The following CDH23 variants were observed in gnomAD, a reference collection of about 807,000 sequenced individuals.
The protein encoded by CDH23 is cadherin related 23.
In CDH23, 189 loss-of-function variants were observed where a neutral mutation model predicts 317.1. The observed-to-expected ratio is 0.60, with a 90% CI of 0.53 to 0.67. The LOEUF (loss-of-function observed/expected upper bound fraction) is 0.67. Among genes scored for constraint, CDH23 ranks in the 30% least tolerant of loss-of-function variants. CDH23 has a pLI of 0.00. For missense variants in CDH23, 4,401 were observed against 4,592.4 expected (o/e 0.96, Z 1.20); for synonymous variants, 1,839 against 1,876.8 (o/e 0.98, Z 0.52).
intron 34 of CDH23, 116 bp from the exon 35 acceptor site, chr10:71,738,382 C>T: frequency 4.1e-6 from 5 of 1,226,322 alleles, no homozygotes; most frequent in Middle Eastern, 3.8e-4. Context: ...TGAGGGTTTG[C>T]TGATGTTCCA....
intron 8 of CDH23, among the ~76,000 whole-genome samples, chr10:71,571,512 G>T (rs1275983588): frequency 6.6e-6 from 1 of 152,126 alleles, no homozygotes; most frequent in Non-Finnish European, 1.5e-5. Flanking sequence ...CCTGTAGATC[G>T]GCTACCCATG....
chr10:71,732,695 G>A, intron 32 of CDH23: 2 of 1,305,258 alleles, frequency 1.5e-6, no homozygotes, highest in East Asian at 6.4e-5. Context: ...ATTTTCATAT[G>A]TAGGAGTAAG....
chr10:71,797,533 G>A (rs1052230388), intron 49 of CDH23, among the ~76,000 whole-genome samples: 1 of 152,242 alleles, frequency 6.6e-6, no homozygotes, highest in Non-Finnish European at 1.5e-5. Flanking sequence ...TGGTTAGACA[G>A]AGGCTTAGGT....
At chr10:71,810,975 G>A (rs1179798710) in intron 62 of CDH23, among the ~76,000 whole-genome samples, 1 of 151,706 alleles carries the variant, frequency 6.6e-6, no homozygotes, top group Non-Finnish European at 1.5e-5. Context: ...AGCTACTCAG[G>A]AGGCTGAGGC....
chr10:71,781,808 T>C (rs1381501663), intron 41 of CDH23, among the ~76,000 whole-genome samples: 1 of 151,932 alleles, frequency 6.6e-6, no homozygotes, highest in African/African-American at 2.4e-5. Context: ...AAAGATAACT[T>C]TGGGGTCTCT....
At chr10:71,616,844 A>G (rs1178953399) in intron 10 of CDH23, among the ~76,000 whole-genome samples, 2 of 152,186 alleles carry the variant, frequency 1.3e-5, no homozygotes, top group Non-Finnish European at 2.9e-5. Context: ...CCTCAGTTTC[A>G]CAATCTGCCA....
At chr10:71,769,569 A>G (rs922818587) in intron 38 of CDH23, among the ~76,000 whole-genome samples, 1 of 152,238 alleles carries the variant, frequency 6.6e-6, no homozygotes, top group African/African-American at 2.4e-5. Context: ...CTAGGGAAAC[A>G]CCATCATGGA....
chr10:71,416,432 GT>G (rs1848536675), intron 1 of CDH23, among the ~76,000 whole-genome samples: 1 of 152,186 alleles, frequency 6.6e-6, no homozygotes, highest in Non-Finnish European at 1.5e-5. Flanking sequence ...TACCTTTAGT[GT>G]TAGTGGTTGT....
At chr10:71,737,796 C>T (rs956856063) in intron 34 of CDH23, 3 of 466,796 alleles carry the variant, frequency 6.4e-6, no homozygotes, top group Admixed American at 2.3e-5. Flanking sequence ...CAGGCCTTCA[C>T]TCTCCTGCCT....
At chr10:71,559,824 G>A (rs1462106384) in intron 6 of CDH23, among the ~76,000 whole-genome samples, 2 of 152,256 alleles carry the variant, frequency 1.3e-5, no homozygotes, top group Non-Finnish European at 2.9e-5. Flanking sequence ...AATACTGGTA[G>A]AAAGAAGAGA....
intron 22 of CDH23, among the ~76,000 whole-genome samples, 160 bp from the exon 23 acceptor site, chr10:71,701,862 C>T (rs1017331520): frequency 6.6e-6 from 1 of 152,288 alleles, no homozygotes; most frequent in African/African-American, 2.4e-5. Flanking sequence ...CCAGCCCTCT[C>T]GGACCCCCCT....
intron 66 of CDH23, 37 bp from the exon 67 acceptor site, chr10:71,812,443 T>TACCCC: frequency 2.6e-6 from 4 of 1,538,030 alleles, no homozygotes; most frequent in East Asian, 2.3e-5. Flanking sequence ...ACTCGAGCCT[T>TACCCC]CCCTCCCTCC....
chr10:71,807,515 G>A lies in CDH23; in HGVS notation c.8309-1G>A, dbSNP rs2132988609. On this transcript the variant is annotated splice_acceptor_variant, in intron 58 of 69. Coordinates refer to ENST00000224721, the MANE Select transcript of CDH23 (RefSeq NM_022124.6). LOFTEE classifies it high-confidence loss of function. ...ACCCTGTGCCATGATCCCACCCTCA[G>A]CCGGCAACGAAGAGAAGAACTTCCA... is the stretch of plus-strand genomic sequence containing the variant. 2 of 1,613,700 alleles carry A rather than the reference G, an allele frequency of 1.2e-6. No individual in the cohort carries two copies. Among genetic ancestry groups the A allele is most frequent in the East Asian group, 2.2e-5 (1 of 44,880 alleles).
chr10:71,707,363 G>T, intron 26 of CDH23: 1 of 1,381,236 alleles, frequency 7.2e-7, no homozygotes, highest in South Asian at 1.8e-5. Context: ...GGAGCCCTGA[G>T]CCCCACTCCC....
At chr10:71,547,738 G>A (rs1303997744) in intron 6 of CDH23, among the ~76,000 whole-genome samples, 2 of 152,236 alleles carry the variant, frequency 1.3e-5, no homozygotes, top group African/African-American at 4.8e-5. Flanking sequence ...TGGGTGCAGA[G>A]GGAATGTATT....
chr10:71,406,421 C>T (rs1206361602), intron 1 of CDH23, among the ~76,000 whole-genome samples: 2 of 152,180 alleles, frequency 1.3e-5, no homozygotes, highest in Non-Finnish European at 1.5e-5. Flanking sequence ...TAAATGCAAA[C>T]TTTCCATGCT....
At chr10:71,570,654 A>AT in intron 7 of CDH23, 136 bp from the exon 8 acceptor site, 1 of 928,862 alleles carries the variant, frequency 1.1e-6, no homozygotes, top group Non-Finnish European at 1.6e-6. Context: ...GTGCAAGAGC[A>AT]TGGGTGTGTG....
intron 8 of CDH23, among the ~76,000 whole-genome samples, chr10:71,576,496 T>G: frequency 6.7e-6 from 1 of 148,400 alleles, no homozygotes; most frequent in Non-Finnish European, 1.5e-5. Flanking sequence ...TCTGCACAGG[T>G]GAAGGGGGTG....
At chr10:71,566,977 C>T in intron 7 of CDH23, 41 bp downstream of exon 7, 1 of 1,588,838 alleles carries the variant, frequency 6.3e-7, no homozygotes, top group Non-Finnish European at 8.6e-7. Context: ...CCAGCTGCCT[C>T]TTCCCACCCT....
Sources: gnomAD v4.1 joint callset for allele counts (sites outside exome capture counted in the v4.1 genomes callset) on GRCh38, gnomAD v4.1.1 for gene constraint, MANE v1.5 for transcripts, NCBI Gene and HGNC (gene_info 2026-07-23, HGNC 2026-07-21) for gene names.